ZNF254: variants seen among roughly 807,000 people sequenced by gnomAD.
The protein encoded by ZNF254 is CTD-2017D11.1.
A neutral mutation model predicts 12.4 loss-of-function variants in ZNF254; 10 were observed. That is an observed-to-expected ratio of 0.80 (90% confidence interval 0.50 to 1.36). The LOEUF is 1.36. Among genes scored for constraint, ZNF254 ranks in the 40% most tolerant of loss-of-function variants. ZNF254 has a pLI of 0.00. For missense variants in ZNF254, 996 were observed against 763.9 expected (o/e 1.30, Z -3.58); for synonymous variants, 305 against 253.4 (o/e 1.20, Z -1.93).
At chr19:24,076,635 GA>G (rs1568441258) in intron 2 of ZNF254, among the ~76,000 whole-genome samples, 1 of 151,544 alleles carries the variant, frequency 6.6e-6, no homozygotes, top group African/African-American at 2.4e-5. Context: ...GTAAAATTAT[GA>G]AAAAAATTTA....
rs930831921 is a variant in ZNF254, at chr19:24,129,538, C to A, written c.*1558C>A. 6.6e-6 allele frequency: 1 copy of A among 151,682 alleles called. No homozygotes were observed. Among genetic ancestry groups the A allele is most frequent in the Non-Finnish European group, 1.5e-5 (1 of 67,850 alleles). 9.4% of individuals were successfully genotyped at this position (151,682 alleles called of 1,614,324 possible). ...TGTTCCTATGGGTTAAATTTTTATT[C>A]TTATTTTCACATTTAAATTTATTTT... On this transcript the variant is annotated 3_prime_UTR_variant, in exon 4 of 4. Transcript: ENST00000357002.
At position 24,127,129 on chromosome 19, in the gene ZNF254, C is replaced by A; in HGVS notation, c.1129C>A (p.Arg377Ser). The change falls in exon 4 of 4, where the codon CGC becomes AGC. Residue 377 changes from arginine (R) to serine (S), a missense_variant. Coordinates refer to ENST00000357002, the MANE Select transcript of ZNF254 (RefSeq NM_203282.4). ...TAAGATAATTCATACTGGAGAGAAA[C>A]GCTACAAATGCTTAGAATGTGGCAA... ...THKIIHTGEK[R>S]YKCLECGKAF... 6.2e-7 allele frequency: 1 copy of A among 1,613,360 alleles called. No homozygotes were observed. Among genetic ancestry groups the A allele is most frequent in the Non-Finnish European group, 8.5e-7 (1 of 1,179,768 alleles).
In ZNF254 at chr19:24,087,356, C is replaced by A; in HGVS notation, c.30+19C>A. 1 of 1,613,452 alleles carries A rather than the reference C, an allele frequency of 6.2e-7. No homozygotes were observed. The highest frequency in any genetic ancestry group is 1.1e-5 in the South Asian group (1 of 91,068). ...AGAAATGGTGAGAATGCCAGTCCGA[C>A]ATCCCGAGAGAGGGGAGGGGGCTGG... On this transcript the variant is annotated intron_variant, in intron 1 of 3. Coordinates refer to ENST00000357002, the MANE Select transcript of ZNF254 (RefSeq NM_203282.4).
chr19:24,126,323 T>A lies in ZNF254; in HGVS notation c.323T>A (p.Ile108Lys), dbSNP rs1228989784. Residue 108 changes from isoleucine to lysine, a missense_variant, in exon 4 of 4, where the codon ATA becomes AAA. Transcript: ENST00000357002. ...ATGGAAGATTCTTTTCAAAAAGCAA[T>A]ACTGAGAAGATATGGAAAATATGGA... ...QGMEDSFQKA[I>K]LRRYGKYGHE... 4 of 1,601,664 alleles carry A rather than the reference T, an allele frequency of 2.5e-6. No individual in the cohort carries two copies. Among genetic ancestry groups the A allele is most frequent in the Middle Eastern group, 1.7e-4 (1 of 5,980 alleles).
rs772200562 is a variant in ZNF254 at position 24,127,609 on chromosome 19, A to G, written c.1609A>G (p.Lys537Glu). The change falls in exon 4 of 4, where the codon AAG becomes GAG. Residue 537 changes from lysine to glutamate, a missense_variant. Coordinates refer to ENST00000357002, the MANE Select transcript of ZNF254 (RefSeq NM_203282.4). ...CTGGTCCTCAACTCTTACTAAACAT[A>G]AGATAATTCATACTGAAGAGAAACC... Reference protein sequence around the residue: ...FNWSSTLTKHKIIHTEEKPYK... With the variant: ...FNWSSTLTKHEIIHTEEKPYK... The G allele has an allele frequency of 1.2e-6, 2 of 1,608,374 alleles. No homozygotes were observed. The highest frequency in any genetic ancestry group is 1.7e-6 in the Non-Finnish European group (2 of 1,176,944).
At chr19:24,085,209 G>A (rs1835349837), upstream of ZNF254, among the ~76,000 whole-genome samples, 1 of 151,392 alleles carries the variant, frequency 6.6e-6, no homozygotes, top group Non-Finnish European at 1.5e-5. Flanking sequence ...TGGGACTACA[G>A]GCGTGAGCCA....
chr19:24,095,082 G>T (rs916492772), intron 1 of ZNF254, among the ~76,000 whole-genome samples: 1 of 152,206 alleles, frequency 6.6e-6, no homozygotes, highest in African/African-American at 2.4e-5. Flanking sequence ...CTAGGTTGTT[G>T]AGGGTTTTTA....
chr19:24,088,404 C>T (rs1972160816), intron 1 of ZNF254, among the ~76,000 whole-genome samples: 1 of 151,916 alleles, frequency 6.6e-6, no homozygotes. Context: ...AATTGCCTGC[C>T]ACTTAATTAT....
intron 1 of ZNF254, among the ~76,000 whole-genome samples, chr19:24,099,585 C>T (rs1001597375): frequency 6.6e-6 from 1 of 152,154 alleles, no homozygotes; most frequent in African/African-American, 2.4e-5. Flanking sequence ...TAAGCAGTTA[C>T]CTGGCTTCAA....
intron 3 of ZNF254, among the ~76,000 whole-genome samples, chr19:24,111,661 G>A (rs1973690302): frequency 6.6e-6 from 1 of 152,220 alleles, no homozygotes; most frequent in African/African-American, 2.4e-5. Context: ...GGTGTGAAAT[G>A]GTATCTCATT....
In ZNF254 at chr19:24,126,347, G is replaced by C. The variant is rs772119365; in HGVS notation, c.347G>C (p.Gly116Ala). 6.2e-7 allele frequency: 1 copy of C among 1,609,174 alleles called. No homozygotes were observed. Among genetic ancestry groups the C allele is most frequent in the Non-Finnish European group, 8.5e-7 (1 of 1,177,930 alleles). Residue 116 changes from glycine to alanine, a missense_variant, in exon 4 of 4, where the codon GGA (glycine) becomes GCA (alanine). Gly to Ala is a moderately conservative substitution (Grantham distance 60). Coordinates refer to ENST00000357002, the MANE Select transcript of ZNF254 (RefSeq NM_203282.4). ...KAILRRYGKY[G>A]HENLQLRKGC... ...ATACTGAGAAGATATGGAAAATATG[G>C]ACATGAGAATTTACAGTTAAGAAAA...
intron 1 of ZNF254, among the ~76,000 whole-genome samples, chr19:24,103,569 T>C (rs1973156497): frequency 6.6e-6 from 1 of 152,162 alleles, no homozygotes; most frequent in Non-Finnish European, 1.5e-5. Flanking sequence ...ATTAAGTGCC[T>C]CATGTGACTC....
intron 2 of ZNF254, among the ~76,000 whole-genome samples, chr19:24,073,657 TTGGGCTATATG>T (rs1250862089): frequency 6.6e-6 from 1 of 152,076 alleles, no homozygotes; most frequent in Non-Finnish European, 1.5e-5. Flanking sequence ...ATACATGGAT[TTGGGCTATATG>T]TGGGTTGATG....
chr19:24,103,732 CTTT>C, intron 1 of ZNF254: 1 of 147,044 alleles, frequency 6.8e-6, no homozygotes, highest in Non-Finnish European at 1.5e-5. Flanking sequence ...CTTTTTCTTT[CTTT>C]TTTTTTTTGA....
At chr19:24,063,963 G>GTGA (rs1971176304) in intron 2 of ZNF254, 1 of 152,164 alleles carries the variant, frequency 6.6e-6, no homozygotes, top group African/African-American at 2.4e-5. Flanking sequence ...TTTTACCTAT[G>GTGA]TGATGTGACA....
At chr19:24,099,548 CTT>C in intron 1 of ZNF254, among the ~76,000 whole-genome samples, 1 of 152,296 alleles carries the variant, frequency 6.6e-6, no homozygotes, top group Middle Eastern at 3.4e-3. Flanking sequence ...TTTTCAGTCA[CTT>C]TTGTAGAAGA....
chr19:24,052,190 A>G (rs1394516255), intron 2 of ZNF254, among the ~76,000 whole-genome samples: 1 of 151,554 alleles, frequency 6.6e-6, no homozygotes, highest in East Asian at 1.9e-4. Context: ...ATGTGTTGTG[A>G]CTCTCCTCTT....
At chr19:24,097,816 A>G (rs1265552433) in intron 1 of ZNF254, among the ~76,000 whole-genome samples, 4 of 151,268 alleles carry the variant, frequency 2.6e-5, no homozygotes, top group African/African-American at 7.3e-5. Flanking sequence ...ATAAAATAAA[A>G]TAAAATAAAA....
intron 1 of ZNF254, among the ~76,000 whole-genome samples, chr19:24,040,076 C>T (rs540187727): frequency 5.9e-5 from 9 of 152,244 alleles, no homozygotes; most frequent in South Asian, 2.1e-4. Flanking sequence ...AATAAGCCAG[C>T]AGCACAGAGA....
Sources: gnomAD v4.1 joint callset for allele counts (sites outside exome capture counted in the v4.1 genomes callset) on GRCh38, gnomAD v4.1.1 for gene constraint, MANE v1.5 for transcripts, NCBI Gene and HGNC (gene_info 2026-07-23, HGNC 2026-07-21) for gene names.